The following VPS13B variants were observed in gnomAD, a reference collection of about 807,000 sequenced individuals.
The protein encoded by VPS13B is vacuolar protein sorting 13 homolog B, also known as intermembrane lipid transfer protein VPS13B.
In VPS13B, 285 loss-of-function variants were observed where a neutral mutation model predicts 426.4. That is an observed-to-expected ratio of 0.67 (90% CI 0.61 to 0.74). VPS13B has a LOEUF of 0.74. Ranked by LOEUF, VPS13B falls within the 30% of genes least tolerant of loss-of-function variation. VPS13B has a pLI of 0.00. For synonymous variants in VPS13B, 1,676 were observed against 1,676.4 expected (o/e 1.00, Z 0.01); for missense variants, 4,537 against 4,782.6 (o/e 0.95, Z 1.51).
At chr8:99,075,485 T>C (rs975370326) in intron 3 of VPS13B, among the ~76,000 whole-genome samples, 2 of 152,132 alleles carry the variant, frequency 1.3e-5, no homozygotes, top group African/African-American at 4.8e-5. Flanking sequence ...GGGCAGTTTT[T>C]CCCCATGATC....
chr8:99,151,000 G>A (rs1242772283), intron 14 of VPS13B, among the ~76,000 whole-genome samples: 1 of 152,204 alleles, frequency 6.6e-6, no homozygotes, highest in African/African-American at 2.4e-5. Context: ...ATCCCTGCCA[G>A]CAGTGAATAA....
At chr8:99,686,893 C>A (rs567055845) in intron 35 of VPS13B, among the ~76,000 whole-genome samples, 7 of 151,970 alleles carry the variant, frequency 4.6e-5, no homozygotes, top group Non-Finnish European at 1.0e-4. Context: ...GACAAACTAC[C>A]CTTCACTTTT....
chr8:99,469,308 A>G (rs146502108), intron 24 of VPS13B, among the ~76,000 whole-genome samples: 10 of 151,898 alleles, frequency 6.6e-5, no homozygotes, highest in African/African-American at 1.9e-4. Flanking sequence ...AGCTGGGACT[A>G]TAGACACATG....
intron 23 of VPS13B, among the ~76,000 whole-genome samples, chr8:99,457,709 G>A (rs1294103998): frequency 1.3e-5 from 2 of 151,922 alleles, no homozygotes; most frequent in Non-Finnish European, 2.9e-5. Flanking sequence ...ATTCCTGTAT[G>A]ATGTGGGCAT....
At chr8:99,825,698 T>C (rs1814644725) in intron 51 of VPS13B, among the ~76,000 whole-genome samples, 1 of 152,176 alleles carries the variant, frequency 6.6e-6, no homozygotes, top group Non-Finnish European at 1.5e-5. Flanking sequence ...CTTTTTATGG[T>C]TTTAGGTCTT....
intron 35 of VPS13B, among the ~76,000 whole-genome samples, chr8:99,667,672 A>T (rs1667638): frequency 6.6e-6 from 1 of 152,104 alleles, no homozygotes; most frequent in South Asian, 2.1e-4. Context: ...ATGTTATTTC[A>T]TAGAGTAATT....
At chr8:99,469,115 T>G (rs1819264961) in intron 24 of VPS13B, among the ~76,000 whole-genome samples, 6 of 152,014 alleles carry the variant, frequency 3.9e-5, no homozygotes, top group African/African-American at 1.4e-4. Context: ...TCATAAAAAC[T>G]TAAGAACTCA....
In VPS13B at chr8:99,692,139, CAG is replaced by C. The variant is rs1452904890; in HGVS notation, c.6047-7384_6047-7383del. On this transcript the variant is annotated intron_variant, in intron 35 of 61. Transcript: ENST00000357162. ...GTCAACATTAGACAGATCAACGAGA[CAG>C]AAAGTCAACAAGGATACCCAGGAAT... is the stretch of plus-strand genomic sequence containing the variant. Among the ~76,000 whole-genome samples the C allele has an allele frequency of 4.8e-3, 695 of 143,594 alleles. 6 individuals carry two copies. Among genetic ancestry groups the C allele is most frequent in the African/African-American group, 0.017 (654 of 37,894 alleles). 94.2% of individuals were successfully genotyped at this position (143,594 alleles called of 152,430 possible).
chr8:99,410,708 C>T (rs1044636799), intron 21 of VPS13B, among the ~76,000 whole-genome samples: 6 of 152,038 alleles, frequency 3.9e-5, no homozygotes, highest in African/African-American at 1.4e-4. Context: ...TGTTATCCCT[C>T]CCCTAGCCTC....
chr8:99,827,063 A>G (rs1224848432), intron 51 of VPS13B, among the ~76,000 whole-genome samples: 1 of 152,114 alleles, frequency 6.6e-6, no homozygotes, highest in African/African-American at 2.4e-5. Flanking sequence ...AGGTTTTGGT[A>G]TCAGGATGAT....
At chr8:99,461,533 A>G (rs931797580) in intron 23 of VPS13B, among the ~76,000 whole-genome samples, 3 of 146,538 alleles carry the variant, frequency 2.0e-5, no homozygotes, top group Non-Finnish European at 3.0e-5. Context: ...TATAGTAGCT[A>G]GATAAATTTT....
chr8:99,603,483 C>T (rs549640758), intron 33 of VPS13B, among the ~76,000 whole-genome samples: 1 of 152,130 alleles, frequency 6.6e-6, no homozygotes, highest in African/African-American at 2.4e-5. Context: ...AATGCTTGTC[C>T]TTTAGGGCCA....
At chr8:99,555,020 C>T (rs1229167871) in intron 30 of VPS13B, among the ~76,000 whole-genome samples, 1 of 152,150 alleles carries the variant, frequency 6.6e-6, no homozygotes, top group Non-Finnish European at 1.5e-5. Context: ...CTCAGTTTCT[C>T]TGGCTCCTGC....
rs919459989 is a variant in VPS13B at position 99,563,222 on chromosome 8, A to G, written c.4949+6569A>G. 3.9e-5 allele frequency among the ~76,000 whole-genome samples: 6 copies of G among 152,340 alleles called. No individual in the cohort carries two copies. The South Asian group carries it at 1.0e-3, about 26-fold the overall frequency. ...TTTGAATGTCTAGTGTATGCCATCA[A>G]AGGTCTTTTACACTGGAGAAACAAA... On this transcript the variant is annotated intron_variant, in intron 31 of 61. Transcript: ENST00000357162.
chr8:99,533,181 C>T (rs1454060418), intron 30 of VPS13B, among the ~76,000 whole-genome samples: 2 of 152,046 alleles, frequency 1.3e-5, no homozygotes, highest in African/African-American at 4.8e-5. Context: ...TCAGGTGATC[C>T]GCCCACCTTG....
chr8:99,640,556 C>T (rs1480943033), intron 33 of VPS13B, among the ~76,000 whole-genome samples: 1 of 152,210 alleles, frequency 6.6e-6, no homozygotes, highest in Non-Finnish European at 1.5e-5. Flanking sequence ...GTGTGAATCA[C>T]TGCACCTGGC....
chr8:99,637,410 T>C (rs1340838905), intron 33 of VPS13B, among the ~76,000 whole-genome samples: 2 of 152,134 alleles, frequency 1.3e-5, no homozygotes, highest in Non-Finnish European at 2.9e-5. Context: ...TTTAGTTTTC[T>C]AGTACTGGGT....
intron 34 of VPS13B, among the ~76,000 whole-genome samples, chr8:99,648,748 T>G (rs1419647534): frequency 6.6e-6 from 1 of 152,142 alleles, no homozygotes; most frequent in Non-Finnish European, 1.5e-5. Flanking sequence ...GTTTCAGTAA[T>G]CTTATATATT....
intron 19 of VPS13B, among the ~76,000 whole-genome samples, chr8:99,367,873 C>T (rs974824291): frequency 2.0e-5 from 3 of 152,090 alleles, no homozygotes; most frequent in African/African-American, 4.8e-5. Flanking sequence ...AGGCTGGTTT[C>T]GAGCTCCTGA....
Sources: gnomAD v4.1 joint callset for allele counts (sites outside exome capture counted in the v4.1 genomes callset) on GRCh38, gnomAD v4.1.1 for gene constraint, MANE v1.5 for transcripts, NCBI Gene and HGNC (gene_info 2026-07-23, HGNC 2026-07-21) for gene names.